PRKCH: variants seen among roughly 807,000 people sequenced by gnomAD.
The protein encoded by PRKCH is protein kinase C eta type.
Under a neutral mutation model 82.5 loss-of-function variants are expected in PRKCH, and 28 were observed. The ratio of observed to expected loss-of-function variants is 0.34; its 90% CI spans 0.25 to 0.47. The LOEUF is 0.47. Among genes scored for constraint, PRKCH ranks in the 20% least tolerant of loss-of-function variants. The pLI is 1.00. For missense variants in PRKCH, 705 were observed against 881.8 expected (o/e 0.80, Z 2.54); for synonymous variants, 322 against 327.4 (o/e 0.98, Z 0.18).
chr14:61,356,080 G>C (rs533642845), intron 1 of PRKCH, among the ~76,000 whole-genome samples: 5 of 152,310 alleles, frequency 3.3e-5, no homozygotes, highest in Admixed American at 2.0e-4. Flanking sequence ...CTGCCTGTCA[G>C]ACTGACTGAG....
chr14:61,448,391 G>A (rs748211273), intron 4 of PRKCH, among the ~76,000 whole-genome samples: 5 of 152,112 alleles, frequency 3.3e-5, no homozygotes, highest in Admixed American at 6.6e-5. Flanking sequence ...ATGTTATTCC[G>A]AAAGTTCTAA....
At chr14:61,297,275 T>C (rs1388546247) in intron 1 of PRKCH, among the ~76,000 whole-genome samples, 48 of 152,208 alleles carry the variant, frequency 3.2e-4, no homozygotes, top group Non-Finnish European at 3.8e-4. Context: ...TACAGTTTAT[T>C]AAGGAGAAAT....
At chr14:61,348,850 A>G (rs1020737921) in intron 1 of PRKCH, among the ~76,000 whole-genome samples, 3 of 152,238 alleles carry the variant, frequency 2.0e-5, no homozygotes, top group African/African-American at 7.2e-5. Flanking sequence ...CCTAGACTGT[A>G]AGCACCATGA....
chr14:61,430,688 T>TCA (rs983500977), intron 2 of PRKCH, among the ~76,000 whole-genome samples: 1 of 151,844 alleles, frequency 6.6e-6, no homozygotes, highest in Non-Finnish European at 1.5e-5. Flanking sequence ...TACTAGTTGG[T>TCA]CACAGCTTGC....
At chr14:61,545,455 A>G (rs1357275838) in intron 12 of PRKCH, among the ~76,000 whole-genome samples, 1 of 152,212 alleles carries the variant, frequency 6.6e-6, no homozygotes, top group Non-Finnish European at 1.5e-5. Flanking sequence ...TGTCTTTGTC[A>G]TCTGCGTATC....
chr14:61,298,669 G>T (rs2045424406), intron 1 of PRKCH: 1 of 152,074 alleles, frequency 6.6e-6, no homozygotes, highest in African/African-American at 2.4e-5. Context: ...TTGTCATGTG[G>T]CCCTGTTTCA....
intron 1 of PRKCH, among the ~76,000 whole-genome samples, chr14:61,345,305 CA>C (rs1355091300): frequency 2.6e-5 from 4 of 152,124 alleles, no homozygotes; most frequent in Admixed American, 6.6e-5. Flanking sequence ...CTTAGTTTTC[CA>C]GACTATGTAG....
At chr14:61,282,110 T>C (rs561883891) in intron 1 of PRKCH, among the ~76,000 whole-genome samples, 1 of 152,224 alleles carries the variant, frequency 6.6e-6, no homozygotes, top group African/African-American at 2.4e-5. Context: ...TCAGATTATT[T>C]GCCTGACTAG....
At chr14:61,460,571 A>G (rs1884983658) in intron 9 of PRKCH, among the ~76,000 whole-genome samples, 1 of 152,326 alleles carries the variant, frequency 6.6e-6, no homozygotes, top group Non-Finnish European at 1.5e-5. Flanking sequence ...CTCTGAAATA[A>G]GTTCTGTTAT....
intron 12 of PRKCH, among the ~76,000 whole-genome samples, chr14:61,546,603 CTG>C (rs2043260890): frequency 6.6e-6 from 1 of 152,236 alleles, no homozygotes; most frequent in South Asian, 2.1e-4. Flanking sequence ...CCTCCAAACA[CTG>C]TCTTTCCGTG....
intron 1 of PRKCH, among the ~76,000 whole-genome samples, chr14:61,368,320 GAAA>G (rs547107705): frequency 2.1e-5 from 3 of 142,922 alleles, no homozygotes; most frequent in Non-Finnish European, 4.6e-5. Context: ...CTAGTCATGG[GAAA>G]AAAAAAAAAG....
chr14:61,454,690 G>T (rs2140291946), intron 7 of PRKCH, among the ~76,000 whole-genome samples: 1 of 152,338 alleles, frequency 6.6e-6, no homozygotes, highest in South Asian at 2.1e-4. Context: ...AGTGAGTGGA[G>T]TTGTGTCAGT....
rs573123538 is a variant in PRKCH at position 61,373,692 on chromosome 14, G to A, written c.364-17533G>A. ...CTTGGCTCACTGAAACCTCTGCCTC[G>A]CAGGTTCAAGCAATTCTTCTGCCTC... On this transcript the variant is annotated intron_variant, in intron 1 of 13. Transcript: ENST00000332981. 5.9e-5 allele frequency among the ~76,000 whole-genome samples: 9 copies of A among 152,118 alleles called. No homozygotes were observed. In the South Asian group the frequency reaches 8.3e-4, roughly 14 times the overall value.
At chr14:61,507,818 T>C (rs1449833932) in intron 10 of PRKCH, among the ~76,000 whole-genome samples, 3 of 152,072 alleles carry the variant, frequency 2.0e-5, no homozygotes, top group African/African-American at 7.3e-5. Context: ...AAAATTTCAG[T>C]TATGCAGGAT....
At chr14:61,391,714 G>C (rs535909803) in intron 2 of PRKCH, among the ~76,000 whole-genome samples, 5 of 152,246 alleles carry the variant, frequency 3.3e-5, no homozygotes, top group Non-Finnish European at 5.9e-5. Flanking sequence ...AAGGGATTCT[G>C]TTCTTCATCT....
In PRKCH at chr14:61,210,136, ATATATATATATATATATATATATAT is replaced by A. The variant is rs1566781679; in HGVS notation, c.-19+22469_-19+22493del. On this transcript the variant is annotated intron_variant, in intron 1 of 3. Coordinates refer to the PRKCH transcript ENST00000555185. ...AATATATATATATATATATATATAT[ATATATATATATATATATATATATAT>A]AAATTAGCTTGGCATAGTGGCAGGC... Among the ~76,000 whole-genome samples the A allele has an allele frequency of 1.1e-3, 47 of 41,698 alleles. 2 individuals carry two copies. The South Asian group carries it at 0.013, about 11-fold the overall frequency. 27.4% of individuals were successfully genotyped at this position (41,698 alleles called of 152,430 possible).
intron 7 of PRKCH, among the ~76,000 whole-genome samples, chr14:61,454,447 TG>T (rs1884667209): frequency 1.3e-5 from 2 of 152,162 alleles, no homozygotes; most frequent in African/African-American, 2.4e-5. Context: ...TGTGGTCTGG[TG>T]AAAGCCTAAA....
At chr14:61,380,274 C>G (rs1055837858) in intron 1 of PRKCH, among the ~76,000 whole-genome samples, 4 of 149,774 alleles carry the variant, frequency 2.7e-5, no homozygotes, top group African/African-American at 9.7e-5. Flanking sequence ...GCAGACTAAT[C>G]TTGAACTCCT....
chr14:61,210,778 CTCTCTCTCTCTCTGTGTGTG>C (rs1206096507), intron 1 of PRKCH, among the ~76,000 whole-genome samples: 1 of 118,066 alleles, frequency 8.5e-6, no homozygotes, highest in Non-Finnish European at 2.0e-5. Context: ...CTCTCTCTCT[CTCTCTCTCTCTCTGTGTGTG>C]TGTGTGTGTG....
Sources: gnomAD v4.1 joint callset for allele counts (sites outside exome capture counted in the v4.1 genomes callset) on GRCh38, gnomAD v4.1.1 for gene constraint, MANE v1.5 for transcripts, NCBI Gene and HGNC (gene_info 2026-07-23, HGNC 2026-07-21) for gene names.